WDR24: variants seen among roughly 807,000 people sequenced by gnomAD.
WDR24 encodes the protein GATOR2 complex protein WDR24.
A neutral mutation model predicts 66.7 loss-of-function variants in WDR24; 32 were observed. The ratio of observed to expected loss-of-function variants is 0.48; its 90% confidence interval spans 0.36 to 0.64. WDR24 has a LOEUF of 0.64. WDR24 is among the 30% of genes least tolerant of loss of function. WDR24 has a pLI of 0.00. For synonymous variants in WDR24, 565 were observed against 469.1 expected (o/e 1.20, Z -2.64); for missense variants, 978 against 1,144.1 (o/e 0.85, Z 2.09).
chr16:686,405 G>T (rs1367046272), intron 3 of WDR24, among the ~76,000 whole-genome samples: 1 of 152,224 alleles, frequency 6.6e-6, no homozygotes, highest in African/African-American at 2.4e-5. Context: ...GGGCAGTGGG[G>T]ACTTGCGGGG....
rs2151517452 is a variant in WDR24, at chr16:689,401, C to G, written c.240G>C (p.Val80=). The G allele has an allele frequency of 1.2e-6, 2 of 1,613,676 alleles. No homozygotes were observed. The change falls in exon 1 of 9, where the codon GTG becomes GTC. Residue 80 remains valine (V), a synonymous_variant. Coordinates refer to ENST00000293883, the MANE Select transcript of WDR24 (RefSeq NM_032259.4). Reference sequence around the variant, plus strand: ...GGTTCTCATCCATCTGGTGCCAGACCACGTCAGCACAGCTCAGGTTAAGCG... The same window carrying G: ...GGTTCTCATCCATCTGGTGCCAGACGACGTCAGCACAGCTCAGGTTAAGCG... ...KPSLNLSCAD[V]VWHQMDENLL...
In WDR24 at chr16:685,572, C is replaced by A. The variant is rs540706672; in HGVS notation, c.1704G>T (p.Pro568=). 46 of 1,589,626 alleles carry A rather than the reference C, an allele frequency of 2.9e-5. 1 individual carries two copies. In the South Asian group the frequency reaches 5.0e-4, roughly 17 times the overall value. Residue 568 remains proline (P), a synonymous_variant, in exon 7 of 9, where the codon CCG becomes CCT. Coordinates refer to ENST00000293883, the MANE Select transcript of WDR24 (RefSeq NM_032259.4). ...AHPEDPECVL[P]QEAFPLRHEI... ...CGTGGCGCAGCGGAAAGGCCTCCTG[C>A]GGCAGCACGCACTCAGGGTCCTCGG...
chr16:689,275 C>A lies in WDR24; in HGVS notation c.366G>T (p.Thr122=). 4 of 1,613,952 alleles carry A rather than the reference C, an allele frequency of 2.5e-6. No individual in the cohort carries two copies. The highest frequency in any genetic ancestry group is 3.4e-6 in the Non-Finnish European group (4 of 1,180,022). The change falls in exon 1 of 9, where the codon ACG becomes ACT. Residue 122 remains threonine (T), a synonymous_variant. Coordinates refer to ENST00000293883, the MANE Select transcript of WDR24 (RefSeq NM_032259.4). ...TGGGGTGGAAGCAGACTTTGTTTACCGTGCGCTTGTGTTCTGTGAACAGCT... is the reference window on the plus strand; with the variant it reads ...TGGGGTGGAAGCAGACTTTGTTTACAGTGCGCTTGTGTTCTGTGAACAGCT... ...QDQLFTEHKR[T]VNKVCFHPTE... is the part of the protein sequence containing the mutation.
rs763437665 is a variant in WDR24 at position 687,047 on chromosome 16, G to A, written c.1029C>T (p.Leu343=). 2.5e-6 allele frequency: 4 copies of A among 1,604,278 alleles called. No individual in the cohort carries two copies. In the African/African-American group the frequency reaches 5.3e-5, roughly 21 times the overall value. The change falls in exon 3 of 9, where the codon CTC becomes CTT. Residue 343 remains leucine, a synonymous_variant. Coordinates refer to ENST00000293883, the MANE Select transcript of WDR24 (RefSeq NM_032259.4). ...CCAGGTCCCCGAAGAGGCCGTAGCA[G>A]AGGCCCTCAGGGTTGGCGCGCTCGA... The part of the protein sequence containing the change: ...QPVERANPEG[L]CYGLFGDLAF...
Position 687,028 on chromosome 16 carries a change from C to G in WDR24, c.1048G>C (p.Asp350His). 1 of 1,602,856 alleles carries G rather than the reference C, an allele frequency of 6.2e-7. No homozygotes were observed. The highest frequency in any genetic ancestry group is 1.1e-5 in the South Asian group (1 of 90,728). The change falls in exon 3 of 9, where the codon GAC becomes CAC. Residue 350 changes from aspartate to histidine, a missense_variant. Around this residue, in one of 2 missense-constraint regions of WDR24, gnomAD observed 302 missense variants for 526.6 expected, o/e 0.57. Transcript: ENST00000293883. ...PEGLCYGLFG[D>H]LAFAAKESLV... ...CTCTCCTTGGCGGCGAAGGCCAGGT[C>G]CCCGAAGAGGCCGTAGCAGAGGCCC...
At chr16:689,123 G>T in intron 1 of WDR24, 37 bp downstream of exon 1, 2 of 1,603,360 alleles carry the variant, frequency 1.2e-6, no homozygotes, top group South Asian at 1.1e-5. Flanking sequence ...CACCGGCAGA[G>T]ACGCCCACCT....
chr16:686,559 C>G (rs756986747), intron 3 of WDR24, among the ~76,000 whole-genome samples, 185 bp downstream of exon 3: 2 of 67,908 alleles, frequency 2.9e-5, no homozygotes, highest in Admixed American at 3.4e-4. Flanking sequence ...AGTCCTGGGT[C>G]TGGCCCACCC....
rs1451327940 is a variant in WDR24 at position 687,233 on chromosome 16, C to T, written c.843G>A (p.Trp281Ter). 1 of 1,612,560 alleles carries T rather than the reference C, an allele frequency of 6.2e-7. No homozygotes were observed. Among genetic ancestry groups the T allele is most frequent in the African/African-American group, 1.3e-5 (1 of 75,078 alleles). Residue 281 changes from tryptophan (W) to a stop codon, truncating the protein, a stop_gained, in exon 3 of 9, where the codon TGG becomes TGA. Coordinates refer to ENST00000293883, the MANE Select transcript of WDR24 (RefSeq NM_032259.4). LOFTEE classifies it high-confidence loss of function. Reference sequence around the variant, plus strand: ...CTGGCACGAAGGGCCGGCGCACGTCCCAAACATAGATGTTGTGGTCCACCA... The same window carrying T: ...CTGGCACGAAGGGCCGGCGCACGTCTCAAACATAGATGTTGTGGTCCACCA... ...SMMVDHNIYVWDVRRPFVPAA... is the reference protein window; with the variant it reads ...SMMVDHNIYV
At position 685,895 on chromosome 16, in the gene WDR24, G is replaced by C. The variant is rs551808693; in HGVS notation, c.1547C>G (p.Ser516Cys). ...DARSDTVLLD[S>C]SATLITNEDN... ...CTCATTGGTGATGAGTGTGGCCGAG[G>C]AGTCGAGCAGAACTGTGTCGCTCCG... The change falls in exon 5 of 9, where the codon TCC (serine) becomes TGC (cysteine). Residue 516 changes from serine to cysteine, a missense_variant. Coordinates refer to ENST00000293883, the MANE Select transcript of WDR24 (RefSeq NM_032259.4). The C allele has an allele frequency of 1.9e-6, 3 of 1,613,096 alleles. No individual in the cohort carries two copies. The highest frequency in any genetic ancestry group is 2.5e-6 in the Non-Finnish European group (3 of 1,180,010).
rs527519068 is a variant in WDR24, at chr16:685,672, C to A, written c.1678+7G>T. On this transcript the variant is annotated splice_region_variant and intron_variant, in intron 6 of 8. Transcript: ENST00000293883. The stretch of plus-strand genomic sequence containing the variant: ...CTGAACCCCACCCTGCCCGGACCCC[C>A]ACTCACGGTGCGCGTGTTCCGGATC... The A allele has an allele frequency of 1.8e-5, 29 of 1,612,908 alleles. 1 individual carries two copies. The South Asian group carries it at 3.2e-4, about 18-fold the overall frequency.
intron 1 of WDR24, chr16:687,953 A>G: frequency 1.4e-6 from 1 of 702,964 alleles, no homozygotes; most frequent in Non-Finnish European, 2.6e-6. Context: ...GTGATTTGTA[A>G]CACATACTCC....
Position 686,921 on chromosome 16 carries a change from A to C in WDR24, c.1155T>G (p.Pro385=). Residue 385 remains proline (P), a synonymous_variant, in exon 3 of 9, where the codon CCT becomes CCG. Transcript: ENST00000293883. ...HPIFFKRKLD[P]AEPFAGLASS... is the part of the protein sequence containing the mutation. ...AGGCGAGGCCTGCGAAGGGCTCGGC[A>C]GGGTCCAGCTTGCGCTTAAAGAAGA... 3 of 1,606,430 alleles carry C rather than the reference A, an allele frequency of 1.9e-6. No homozygotes were observed. The South Asian group carries it at 3.3e-5, about 18-fold the overall frequency.
At chr16:686,045 G>A in intron 4 of WDR24, 23 bp downstream of exon 4, 1 of 1,612,810 alleles carries the variant, frequency 6.2e-7, no homozygotes, top group East Asian at 2.2e-5. Flanking sequence ...CAGCCCCTGG[G>A]GAGAGCTGCC....
At chr16:685,206 T>C (rs778441917) in intron 7 of WDR24, 30 bp from the exon 8 acceptor site, 5 of 1,598,648 alleles carry the variant, frequency 3.1e-6, no homozygotes, top group Non-Finnish European at 4.3e-6. Flanking sequence ...GCAGTCAGGA[T>C]CTGGGTGCCA....
At position 687,503 on chromosome 16, in the gene WDR24, G is replaced by A. The variant is rs541763762; in HGVS notation, c.659+59C>T. The A allele has an allele frequency of 8.8e-5, 141 of 1,594,248 alleles. No homozygotes were observed. The African/African-American group carries it at 1.7e-3, about 19-fold the overall frequency. On this transcript the variant is annotated intron_variant, in intron 2 of 8. Transcript: ENST00000293883. ...GCTCTGCTGCTCCGGACTGTCTCAT[G>A]GATCTGAGGCAGTGAGAGCTTACTG...
chr16:689,118 G>T, intron 1 of WDR24, 42 bp downstream of exon 1: 1 of 1,601,480 alleles, frequency 6.2e-7, no homozygotes, highest in Non-Finnish European at 8.5e-7. Context: ...CTGGGCACCG[G>T]CAGAGACGCC....
At chr16:689,104 C>T (rs780041927) in intron 1 of WDR24, 56 bp downstream of exon 1, 1 of 1,592,792 alleles carries the variant, frequency 6.3e-7, no homozygotes, top group South Asian at 1.1e-5. Context: ...CCTGCATGGA[C>T]AGGCTGGGCA....
Position 686,078 on chromosome 16 carries a change from G to T in WDR24, c.1441C>A (p.Leu481Ile), listed in dbSNP as rs201205036. 179 of 1,612,978 alleles carry T rather than the reference G, an allele frequency of 1.1e-4. No individual in the cohort carries two copies. The Middle Eastern group carries it at 1.3e-3, about 12-fold the overall frequency. The change falls in exon 4 of 9, where the codon CTC (leucine) becomes ATC (isoleucine). Residue 481 changes from leucine (L) to isoleucine (I), a missense_variant. By Grantham distance (5) the Leu-to-Ile change is conservative. This residue lies in a region of WDR24 where 676 missense variants were observed against 617.5 expected (regional missense o/e 1.09). Coordinates refer to ENST00000293883, the MANE Select transcript of WDR24 (RefSeq NM_032259.4). Reference sequence around the variant, plus strand: ...GCCCCCGGCATCTACCTGTTCATGAGCGGGAGGCCACAGGAGCCACCCTTG... The same window carrying T: ...GCCCCCGGCATCTACCTGTTCATGATCGGGAGGCCACAGGAGCCACCCTTG... Reference protein sequence around the residue: ...VGKGGSCGLPLMNSFNLKDMA... With the variant: ...VGKGGSCGLPIMNSFNLKDMA...
Position 687,092 on chromosome 16 carries a change from G to T in WDR24, c.984C>A (p.Phe328Leu). Reference protein sequence around the residue: ...SKDSSLCQHLFRDASQPVERA... With the variant: ...SKDSSLCQHLLRDASQPVERA... ...GCTCGACGGGCTGGCTGGCGTCGCGGAACAGGTGCTGGCACAGCGAGCTGT... is the reference window on the plus strand; with the variant it reads ...GCTCGACGGGCTGGCTGGCGTCGCGTAACAGGTGCTGGCACAGCGAGCTGT... Residue 328 changes from phenylalanine (F) to leucine (L), a missense_variant, in exon 3 of 9, where the codon TTC becomes TTA. Around this residue, in one of 2 missense-constraint regions of WDR24, gnomAD observed 302 missense variants for 526.6 expected, o/e 0.57. Coordinates refer to ENST00000293883, the MANE Select transcript of WDR24 (RefSeq NM_032259.4). 6.2e-7 allele frequency: 1 copy of T among 1,609,258 alleles called. No homozygotes were observed. Among genetic ancestry groups the T allele is most frequent in the Non-Finnish European group, 8.5e-7 (1 of 1,179,484 alleles).
Sources: allele counts gnomAD v4.1 joint callset (sites outside exome capture counted in the v4.1 genomes callset), GRCh38; gene constraint gnomAD v4.1.1; regional missense constraint gnomAD v4.1.1; transcripts MANE v1.5; gene names NCBI Gene and HGNC (gene_info 2026-07-23, HGNC 2026-07-21).